Variants in KANSL1 observed in about 807,000 individuals in gnomAD.
The protein encoded by KANSL1 is KAT8 regulatory NSL complex subunit 1.
Under a neutral mutation model 103.6 loss-of-function variants are expected in KANSL1, and 22 were observed. The observed-to-expected ratio is 0.21, with a 90% confidence interval of 0.15 to 0.30. The LOEUF (loss-of-function observed/expected upper bound fraction) is 0.30. KANSL1 is among the 10% of genes least tolerant of loss of function. KANSL1 has a pLI of 1.00. For missense variants in KANSL1, 1,337 were observed against 1,399.8 expected (o/e 0.96, Z 0.72); for synonymous variants, 600 against 527.6 (o/e 1.14, Z -1.88).
intron 1 of KANSL1, among the ~76,000 whole-genome samples, chr17:46,177,639 T>C (rs2046586285): frequency 6.6e-6 from 1 of 152,234 alleles, no homozygotes. Context: ...TAAGATTCTT[T>C]TGTCTTTTGT....
rs1346917137 is a variant in KANSL1 at position 46,141,391 on chromosome 17, C to G, written c.1289+29464G>C. Among the ~76,000 whole-genome samples the G allele has an allele frequency of 2.6e-5, 4 of 152,190 alleles. 1 individual carries two copies. Among genetic ancestry groups the G allele is most frequent in the Admixed American group, 2.6e-4 (4 of 15,284 alleles). On this transcript the variant is annotated intron_variant, in intron 2 of 14. Coordinates refer to ENST00000432791, the MANE Select transcript of KANSL1 (RefSeq NM_015443.4). Reference sequence around the variant, plus strand: ...GGAGACAGGAGAGCAGCTGAAGAGCCCTTCTCTTTCCTCAAGGTTGTCTAC... The same window carrying G: ...GGAGACAGGAGAGCAGCTGAAGAGCGCTTCTCTTTCCTCAAGGTTGTCTAC...
chr17:46,123,196 G>T (rs1249728105), intron 2 of KANSL1, among the ~76,000 whole-genome samples: 2 of 152,156 alleles, frequency 1.3e-5, no homozygotes, highest in African/African-American at 2.4e-5. Context: ...GGCCAACATG[G>T]CGAAACCCCC....
In KANSL1 at chr17:46,066,546, A is replaced by G. The variant is rs1598526728; in HGVS notation, c.1839T>C (p.Leu613=). 1.9e-6 allele frequency: 3 copies of G among 1,611,538 alleles called. No homozygotes were observed. The change falls in exon 6 of 15, where the codon CTT becomes CTC. Residue 613 remains leucine (L), a synonymous_variant. Coordinates refer to ENST00000432791, the MANE Select transcript of KANSL1 (RefSeq NM_015443.4). ...TCTCATCTGTACCGACCTTCTTGGA[A>G]AGAGGAACGATGCTGTTGGGTCGAA... The part of the protein sequence containing the change: ...RLVRPNSIVP[L]SKKVHRNSTI...
intron 2 of KANSL1, among the ~76,000 whole-genome samples, chr17:46,139,671 T>C (rs2044323607): frequency 6.6e-6 from 1 of 152,236 alleles, no homozygotes; most frequent in Non-Finnish European, 1.5e-5. Context: ...GTTGCCTAAC[T>C]GTAAAAATGT....
intron 2 of KANSL1, among the ~76,000 whole-genome samples, chr17:46,100,865 T>C (rs1192634559): frequency 6.6e-6 from 1 of 152,264 alleles, no homozygotes; most frequent in African/African-American, 2.4e-5. Flanking sequence ...AAAACCCGAA[T>C]GGTGGTAATT....
intron 1 of KANSL1, among the ~76,000 whole-genome samples, chr17:46,201,533 C>T (rs1051196272): frequency 4.6e-5 from 7 of 152,062 alleles, no homozygotes; most frequent in Admixed American, 2.6e-4. Flanking sequence ...GTTCTCTGAA[C>T]CATCAGAAAC....
chr17:46,080,507 C>T (rs2078950513), intron 4 of KANSL1, among the ~76,000 whole-genome samples: 1 of 151,038 alleles, frequency 6.6e-6, no homozygotes. Context: ...CAAAACAAAA[C>T]AAAAAAACCT....
chr17:46,096,056 T>G (rs1442245619), intron 2 of KANSL1, among the ~76,000 whole-genome samples: 1 of 151,894 alleles, frequency 6.6e-6, no homozygotes, highest in Non-Finnish European at 1.5e-5. Context: ...CAGTTAAAAT[T>G]GGAACCACCA....
intron 3 of KANSL1, among the ~76,000 whole-genome samples, chr17:46,086,171 GA>G (rs148515634): frequency 0.011 from 1,577 of 147,940 alleles, 25 homozygotes; most frequent in African/African-American, 0.034. Context: ...TCAGTTATAT[GA>G]AAGTAAGGAC....
intron 2 of KANSL1, among the ~76,000 whole-genome samples, chr17:46,166,429 T>C (rs2046003212): frequency 6.6e-6 from 1 of 151,948 alleles, no homozygotes; most frequent in Admixed American, 6.6e-5. Flanking sequence ...GCAGAATCAC[T>C]TGAACCCGGG....
chr17:46,117,225 ATAT>A (rs1198036621), intron 2 of KANSL1, among the ~76,000 whole-genome samples: 2 of 152,182 alleles, frequency 1.3e-5, no homozygotes, highest in Admixed American at 6.5e-5. Context: ...ATGTTAAGAG[ATAT>A]TATAACCCTG....
intron 11 of KANSL1, 129 bp from the exon 12 acceptor site, chr17:46,033,589 G>A: frequency 1.3e-6 from 1 of 756,914 alleles, no homozygotes. Context: ...GGTAGGCTCT[G>A]CCCTATCACA....
At chr17:46,161,250 TAAAAAAAAAAAAAA>T (rs534754110) in intron 2 of KANSL1, among the ~76,000 whole-genome samples, 1 of 79,398 alleles carries the variant, frequency 1.3e-5, no homozygotes, top group African/African-American at 5.8e-5. Context: ...CCACCTCTAC[TAAAAAAAAAAAAAA>T]AAAAAAAAAA....
rs2046277802 is a variant in KANSL1 at position 46,171,368 on chromosome 17, C to T, written c.776G>A (p.Gly259Glu). ...SPGTDSSSNL[G>E]GVKLEGKKSP... ...CTTTTTACCCTCCAATTTGACACCC[C>T]CCAAGTTAGAGCTGGAGTCTGTACC... Residue 259 changes from glycine (G) to glutamate (E), a missense_variant, in exon 2 of 15, where the codon GGG becomes GAG. Around this residue, in one of 2 missense-constraint regions of KANSL1, gnomAD observed 557 missense variants for 476.4 expected, o/e 1.17. Transcript: ENST00000432791. The T allele has an allele frequency of 2.5e-6, 4 of 1,614,134 alleles. No homozygotes were observed. Among genetic ancestry groups the T allele is most frequent in the East Asian group, 2.2e-5 (1 of 44,876 alleles).
At chr17:46,045,653 GT>G (rs151315679) in intron 7 of KANSL1, 1 of 152,314 alleles carries the variant, frequency 6.6e-6, no homozygotes, top group African/African-American at 2.4e-5. Context: ...GCTGCCTGTA[GT>G]TGCTCTGAAT....
chr17:46,141,003 G>A (rs1270296219), intron 2 of KANSL1, among the ~76,000 whole-genome samples: 2 of 151,928 alleles, frequency 1.3e-5, no homozygotes, highest in Non-Finnish European at 2.9e-5. Flanking sequence ...TGTGTTAAAT[G>A]CTGAGGATGC....
chr17:46,089,398 CTTTT>C (rs377351806), intron 3 of KANSL1, among the ~76,000 whole-genome samples: 5 of 145,350 alleles, frequency 3.4e-5, no homozygotes, highest in African/African-American at 7.6e-5. Flanking sequence ...GTCACAAATA[CTTTT>C]TTTTTTTTTG....
At chr17:46,060,911 GC>G (rs2146594282) in intron 6 of KANSL1, among the ~76,000 whole-genome samples, 1 of 152,256 alleles carries the variant, frequency 6.6e-6, no homozygotes, top group African/African-American at 2.4e-5. Context: ...TTAAAATTTG[GC>G]CCAGAGCAAT....
chr17:46,185,108 T>G (rs1454204734), intron 1 of KANSL1, among the ~76,000 whole-genome samples: 4 of 152,194 alleles, frequency 2.6e-5, no homozygotes, highest in Non-Finnish European at 4.4e-5. Flanking sequence ...ATTACAGGCA[T>G]GAGCCGCCAC....
Sources: gnomAD v4.1 joint callset for allele counts (sites outside exome capture counted in the v4.1 genomes callset) on GRCh38, gnomAD v4.1.1 for gene constraint, gnomAD v4.1.1 regional missense constraint, MANE v1.5 for transcripts, NCBI Gene and HGNC (gene_info 2026-07-23, HGNC 2026-07-21) for gene names.